The following PTPRG variants were observed in gnomAD, a reference collection of about 807,000 sequenced individuals.
PTPRG encodes the protein receptor-type tyrosine-protein phosphatase gamma.
Under a neutral mutation model 165.3 loss-of-function variants are expected in PTPRG, and 102 were observed. The observed-to-expected ratio is 0.62, with a 90% CI of 0.53 to 0.73. The LOEUF is 0.73. Among genes scored for constraint, PTPRG ranks in the 30% least tolerant of loss-of-function variants. The probability of loss-of-function intolerance (pLI) is 0.00; values close to 1 mark genes in which losing one functional copy is unlikely to be tolerated. For missense variants in PTPRG, 1,866 were observed against 1,861.4 expected, an observed-to-expected ratio of 1.00 and a Z score of -0.05; for synonymous variants, 675 against 669.5, an observed-to-expected ratio of 1.01 and a Z score of -0.13.
At chr3:62,050,275 G>A (rs1700429572) in intron 4 of PTPRG, among the ~76,000 whole-genome samples, 1 of 152,132 alleles carries the variant, frequency 6.6e-6, no homozygotes, top group African/African-American at 2.4e-5. Flanking sequence ...TACTGTACCT[G>A]TTCTGTCTAG....
chr3:61,620,627 C>CT (rs577948870), intron 1 of PTPRG, among the ~76,000 whole-genome samples: 91 of 149,782 alleles, frequency 6.1e-4, no homozygotes, highest in African/African-American at 8.1e-4. Flanking sequence ...TTAACAGTTA[C>CT]TTTTTTTTTT....
chr3:62,249,053 A>C (rs1701352113), intron 15 of PTPRG, among the ~76,000 whole-genome samples: 2 of 152,120 alleles, frequency 1.3e-5, no homozygotes, highest in African/African-American at 4.8e-5. Context: ...CCCTTTCTTT[A>C]TTGACTTCAT....
intron 2 of PTPRG, among the ~76,000 whole-genome samples, chr3:61,899,382 C>A (rs564723071): frequency 6.6e-6 from 1 of 152,026 alleles, no homozygotes; most frequent in Non-Finnish European, 1.5e-5. Flanking sequence ...GTAAAAGGAA[C>A]GTAAGGGAAA....
intron 1 of PTPRG, among the ~76,000 whole-genome samples, chr3:61,692,271 C>A (rs1004669726): frequency 6.6e-6 from 1 of 152,178 alleles, no homozygotes; most frequent in African/African-American, 2.4e-5. Context: ...CTCCATGGCA[C>A]AACTTAGTAG....
chr3:61,664,712 T>G (rs954117303), intron 1 of PTPRG, among the ~76,000 whole-genome samples: 1 of 152,138 alleles, frequency 6.6e-6, no homozygotes, highest in African/African-American at 2.4e-5. Flanking sequence ...ACGCCTGTAA[T>G]CCCAGCTACT....
intron 10 of PTPRG, among the ~76,000 whole-genome samples, chr3:62,199,541 A>T (rs757812328): frequency 1.3e-5 from 2 of 152,214 alleles, no homozygotes; most frequent in African/African-American, 4.8e-5. Context: ...AGCTTTAGAT[A>T]AAGCTACCAT....
At chr3:62,180,290 T>G (rs911047338) in intron 8 of PTPRG, among the ~76,000 whole-genome samples, 1 of 152,148 alleles carries the variant, frequency 6.6e-6, no homozygotes, top group African/African-American at 2.4e-5. Context: ...AAGGGCAGCT[T>G]TAGAGCTCTA....
chr3:61,888,582 T>C (rs988485583), intron 2 of PTPRG, among the ~76,000 whole-genome samples: 2 of 152,144 alleles, frequency 1.3e-5, no homozygotes, highest in Middle Eastern at 3.2e-3. Flanking sequence ...CCGCCCGCCT[T>C]GGCCTCTCAA....
At chr3:62,092,614 T>C (rs957014362) in intron 5 of PTPRG, among the ~76,000 whole-genome samples, 2 of 151,988 alleles carry the variant, frequency 1.3e-5, no homozygotes, top group Non-Finnish European at 2.9e-5. Flanking sequence ...TGCCCATTAG[T>C]AGGAGTAAAA....
chr3:62,261,326 A>C (rs993296245), intron 16 of PTPRG, among the ~76,000 whole-genome samples: 10 of 152,206 alleles, frequency 6.6e-5, no homozygotes, highest in Admixed American at 3.9e-4. Flanking sequence ...CTTATAAGGC[A>C]GTTTCAAAAG....
chr3:61,769,388 C>G (rs1018188188), intron 2 of PTPRG: 70 of 152,336 alleles, frequency 4.6e-4, no homozygotes, highest in African/African-American at 1.6e-3. Context: ...ATTGTTCCAC[C>G]TCAGCTTCCT....
chr3:61,919,065 T>A (rs994893144), intron 2 of PTPRG, among the ~76,000 whole-genome samples: 2 of 152,184 alleles, frequency 1.3e-5, no homozygotes, highest in South Asian at 4.1e-4. Flanking sequence ...GTGCCTAAAA[T>A]GTTCCCAAAA....
chr3:62,029,875 A>G (rs1699705865), intron 4 of PTPRG, among the ~76,000 whole-genome samples: 1 of 152,204 alleles, frequency 6.6e-6, no homozygotes, highest in African/African-American at 2.4e-5. Context: ...AACACAGTGC[A>G]TTTCATATTG....
At chr3:61,581,219 T>C (rs1278587815) in intron 1 of PTPRG, among the ~76,000 whole-genome samples, 1 of 152,224 alleles carries the variant, frequency 6.6e-6, no homozygotes, top group Non-Finnish European at 1.5e-5. Flanking sequence ...GCGTTGTAAA[T>C]CTAGTCGTTA....
chr3:62,090,230 G>A (rs554457651), intron 5 of PTPRG, among the ~76,000 whole-genome samples: 15 of 152,210 alleles, frequency 9.9e-5, no homozygotes, highest in South Asian at 6.2e-4. Flanking sequence ...ACTGTGCAGC[G>A]TATTCCCTGG....
intron 8 of PTPRG, among the ~76,000 whole-genome samples, chr3:62,185,248 T>A (rs1232508798): frequency 6.6e-6 from 1 of 152,094 alleles, no homozygotes; most frequent in Non-Finnish European, 1.5e-5. Context: ...AGTGGGAACA[T>A]AATCAGGCCC....
chr3:61,662,521 A>C (rs1317763989), intron 1 of PTPRG, among the ~76,000 whole-genome samples: 1 of 152,194 alleles, frequency 6.6e-6, no homozygotes, highest in African/African-American at 2.4e-5. Context: ...CTGCTCTTAC[A>C]TCCATGCCCC....
At chr3:62,041,574 C>CAAAATT in intron 4 of PTPRG, among the ~76,000 whole-genome samples, 1 of 152,244 alleles carries the variant, frequency 6.6e-6, no homozygotes, top group South Asian at 2.1e-4. Context: ...TAGATTTCTC[C>CAAAATT]CATTGTGCTT....
chr3:61,610,253 G>T (rs1701129704), intron 1 of PTPRG, among the ~76,000 whole-genome samples: 1 of 151,780 alleles, frequency 6.6e-6, no homozygotes, highest in Non-Finnish European at 1.5e-5. Flanking sequence ...ATAGTGCCTG[G>T]CGCAGTCTAA....
Sources: allele counts gnomAD v4.1 joint callset (sites outside exome capture counted in the v4.1 genomes callset), GRCh38; gene constraint gnomAD v4.1.1; transcripts MANE v1.5; gene names NCBI Gene and HGNC (gene_info 2026-07-23, HGNC 2026-07-21).